Variants in ACOXL observed in about 807,000 individuals in gnomAD.
ACOXL encodes acyl-CoA oxidase like, also known as acyl-coenzyme A oxidase-like protein.
In ACOXL, 70 loss-of-function variants were observed where a neutral mutation model predicts 71.9. The ratio of observed to expected loss-of-function variants is 0.97; its 90% CI spans 0.80 to 1.19. ACOXL has a LOEUF of 1.19. Among genes scored for constraint, ACOXL ranks in the 50% most tolerant of loss-of-function variants. The pLI, the probability that ACOXL is intolerant of heterozygous loss-of-function variation, is 0.00. For synonymous variants in ACOXL, 253 were observed against 281.6 expected, an observed-to-expected ratio of 0.90 and a Z score of 1.02; for missense variants, 703 against 736.3, an observed-to-expected ratio of 0.95 and a Z score of 0.52.
At chr2:110,960,224 C>A (rs1430536657) in intron 12 of ACOXL, among the ~76,000 whole-genome samples, 1 of 152,160 alleles carries the variant, frequency 6.6e-6, no homozygotes, top group Non-Finnish European at 1.5e-5. Context: ...CCAGAATGAA[C>A]CCAAGCAAGG....
chr2:111,012,138 T>C (rs2064198792), intron 14 of ACOXL, among the ~76,000 whole-genome samples: 2 of 152,344 alleles, frequency 1.3e-5, no homozygotes, highest in South Asian at 4.1e-4. Flanking sequence ...TTTGTTTTAT[T>C]GCATACTGCA....
intron 10 of ACOXL, among the ~76,000 whole-genome samples, chr2:110,853,361 G>C (rs569204145): frequency 6.6e-6 from 1 of 152,158 alleles, no homozygotes; most frequent in South Asian, 2.1e-4. Context: ...AACTGCCCTC[G>C]ACTGAGAGCT....
chr2:111,024,409 G>A (rs1260733780), intron 14 of ACOXL, among the ~76,000 whole-genome samples: 4 of 152,120 alleles, frequency 2.6e-5, no homozygotes, highest in Admixed American at 1.3e-4. Flanking sequence ...TGCTGGTGGA[G>A]GCAGCAATGG....
At chr2:110,994,465 T>C (rs1331208686) in intron 13 of ACOXL, among the ~76,000 whole-genome samples, 1 of 151,894 alleles carries the variant, frequency 6.6e-6, no homozygotes. Context: ...TTAGTTAATA[T>C]GAATTTAAGT....
intron 10 of ACOXL, among the ~76,000 whole-genome samples, chr2:110,908,309 G>A (rs941352943): frequency 7.2e-5 from 11 of 152,232 alleles, no homozygotes; most frequent in African/African-American, 2.4e-4. Flanking sequence ...AGAATTGCAG[G>A]GGGGTTTAGG....
intron 14 of ACOXL, among the ~76,000 whole-genome samples, chr2:111,011,834 A>G (rs897231804): frequency 6.1e-5 from 9 of 147,476 alleles, no homozygotes; most frequent in Non-Finnish European, 1.3e-4. Flanking sequence ...CAGTGAGCCA[A>G]GATTGCACCA....
intron 16 of ACOXL, among the ~76,000 whole-genome samples, chr2:111,050,758 C>T (rs1238093246): frequency 1.3e-5 from 2 of 152,216 alleles, no homozygotes; most frequent in Non-Finnish European, 2.9e-5. Context: ...GACCACACCT[C>T]CAGGCCTGCT....
intron 12 of ACOXL, among the ~76,000 whole-genome samples, chr2:110,958,762 G>A (rs2061595236): frequency 6.6e-6 from 1 of 152,196 alleles, no homozygotes; most frequent in South Asian, 2.1e-4. Context: ...GACTCCCCTG[G>A]ACAATGCCAC....
chr2:110,757,327 T>C (rs1286745766), intron 1 of ACOXL, among the ~76,000 whole-genome samples: 1 of 152,222 alleles, frequency 6.6e-6, no homozygotes, highest in African/African-American at 2.4e-5. Flanking sequence ...TGATTCCATG[T>C]CTTTGCTAAT....
intron 17 of ACOXL, among the ~76,000 whole-genome samples, chr2:111,107,195 G>A (rs1365266175): frequency 6.6e-6 from 1 of 152,196 alleles, no homozygotes. Context: ...GGATTTTTGT[G>A]TACGTCTGTT....
At position 110,944,624 on chromosome 2, in the gene ACOXL, G is replaced by A. The variant is rs146665529; in HGVS notation, c.1059+10982G>A. Among the ~76,000 whole-genome samples the A allele has an allele frequency of 3.9e-3, 590 of 152,180 alleles. 1 individual carries two copies. The highest frequency in any genetic ancestry group is 0.012 in the African/African-American group (497 of 41,528). ...TGGTTTTCTGTTTCTGTGTTGGTTCGCTTAGGATAATGGCCTCCAGCTCCA... is the reference window on the plus strand; with the variant it reads ...TGGTTTTCTGTTTCTGTGTTGGTTCACTTAGGATAATGGCCTCCAGCTCCA... On this transcript the variant is annotated intron_variant, in intron 12 of 17. Transcript: ENST00000439055.
At chr2:110,899,532 C>T (rs1306227834) in intron 10 of ACOXL, among the ~76,000 whole-genome samples, 1 of 152,076 alleles carries the variant, frequency 6.6e-6, no homozygotes, top group Admixed American at 6.6e-5. Context: ...CTCTTTCTTC[C>T]TTACTTTTAT....
At position 111,027,599 on chromosome 2, in the gene ACOXL, C is replaced by T. The variant is rs183644709; in HGVS notation, c.1282-4028C>T. ...CCTCCCAAAGTGCTGGGATTACAGG[C>T]GTGAGCCACCGCACTTGGCCCCTTG... On this transcript the variant is annotated intron_variant, in intron 14 of 17. Transcript: ENST00000439055. Among the ~76,000 whole-genome samples the T allele has an allele frequency of 2.6e-4, 40 of 152,226 alleles. 1 individual carries two copies. The highest frequency in any genetic ancestry group is 8.9e-4 in the African/African-American group (37 of 41,534).
chr2:110,791,243 T>C (rs1477049043), intron 3 of ACOXL, among the ~76,000 whole-genome samples: 2 of 152,264 alleles, frequency 1.3e-5, no homozygotes, highest in Non-Finnish European at 2.9e-5. Flanking sequence ...TGCTGCAGTT[T>C]CCTGCAAACT....
chr2:110,914,551 A>G (rs2059768217), intron 11 of ACOXL, among the ~76,000 whole-genome samples: 1 of 152,238 alleles, frequency 6.6e-6, no homozygotes, highest in African/African-American at 2.4e-5. Flanking sequence ...AAATTTACTT[A>G]TTAGTCATTT....
chr2:110,800,754 C>T (rs1363705427), intron 7 of ACOXL, among the ~76,000 whole-genome samples: 1 of 152,092 alleles, frequency 6.6e-6, no homozygotes, highest in Non-Finnish European at 1.5e-5. Context: ...GCAGGCATGG[C>T]CGCAGGTGGG....
At chr2:110,967,156 C>T (rs1320703284) in intron 12 of ACOXL, among the ~76,000 whole-genome samples, 1 of 152,050 alleles carries the variant, frequency 6.6e-6, no homozygotes, top group Admixed American at 6.5e-5. Flanking sequence ...ACTACAAATG[C>T]TCTTAAAACA....
chr2:110,794,057 A>G lies in ACOXL; in HGVS notation c.247-19A>G. 6.2e-7 allele frequency: 1 copy of G among 1,613,176 alleles called. No homozygotes were observed. The highest frequency in any genetic ancestry group is 1.1e-5 in the South Asian group (1 of 91,036). On this transcript the variant is annotated intron_variant, in intron 4 of 17. Transcript: ENST00000439055. ...CTGCCTGACCAGCTAATTCCCTTCTAACATCTGGTAAACTCCAGGAGCAGA... is the reference window on the plus strand; with the variant it reads ...CTGCCTGACCAGCTAATTCCCTTCTGACATCTGGTAAACTCCAGGAGCAGA...
At chr2:111,021,494 C>G (rs1017851458) in intron 14 of ACOXL, among the ~76,000 whole-genome samples, 1 of 152,156 alleles carries the variant, frequency 6.6e-6, no homozygotes, top group African/African-American at 2.4e-5. Context: ...ATCCCACATT[C>G]TCATCTCAGA....
Sources: gnomAD v4.1 joint callset for allele counts (sites outside exome capture counted in the v4.1 genomes callset) on GRCh38, gnomAD v4.1.1 for gene constraint, MANE v1.5 for transcripts, NCBI Gene and HGNC (gene_info 2026-07-23, HGNC 2026-07-21) for gene names.